The following FOXP2 variants were observed in gnomAD, a reference collection of about 807,000 sequenced individuals.
The protein encoded by FOXP2 is forkhead box P2.
A neutral mutation model predicts 115.8 loss-of-function variants in FOXP2; 12 were observed. The observed-to-expected ratio is 0.10, with a 90% CI of 0.07 to 0.17. The LOEUF is 0.17. Ranked by LOEUF, FOXP2 falls within the 10% of genes least tolerant of loss-of-function variation. The pLI is 1.00. For missense variants in FOXP2, 629 were observed against 843.5 expected (o/e 0.75, Z 3.15); for synonymous variants, 328 against 297.7 (o/e 1.10, Z -1.05).
In FOXP2 at chr7:114,664,445, G is replaced by A; in HGVS notation, c.2003+9G>A. 1 of 1,613,078 alleles carries A rather than the reference G, an allele frequency of 6.2e-7. No individual in the cohort carries two copies. Among genetic ancestry groups the A allele is most frequent in the African/African-American group, 1.3e-5 (1 of 74,924 alleles). On this transcript the variant is annotated intron_variant, in intron 16 of 16. Coordinates refer to ENST00000350908, the MANE Select transcript of FOXP2 (RefSeq NM_014491.4). ...TCACCTCAGCCGCACATGTAAGTGT[G>A]GTTAACAGACTCTCTAAAGGGAAGA...
chr7:114,505,598 G>A (rs1797770548), intron 2 of FOXP2, among the ~76,000 whole-genome samples: 1 of 150,294 alleles, frequency 6.7e-6, no homozygotes, highest in African/African-American at 2.4e-5. Flanking sequence ...AAAAGTTTTT[G>A]TGCTGTCTAA....
intron 2 of FOXP2, among the ~76,000 whole-genome samples, chr7:114,492,917 G>A (rs1562958435): frequency 1.3e-5 from 2 of 152,154 alleles, no homozygotes; most frequent in African/African-American, 2.4e-5. Flanking sequence ...TTCTGTAGAT[G>A]TCTATTAAGT....
chr7:114,272,283 T>G (rs996159864), intron 1 of FOXP2, among the ~76,000 whole-genome samples: 2 of 151,366 alleles, frequency 1.3e-5, no homozygotes, highest in Non-Finnish European at 3.0e-5. Context: ...ATTTGGTTTA[T>G]TAATATTTTG....
At chr7:114,446,972 A>G (rs559112285) in intron 2 of FOXP2, among the ~76,000 whole-genome samples, 1 of 151,442 alleles carries the variant, frequency 6.6e-6, no homozygotes, top group South Asian at 2.1e-4. Flanking sequence ...CTGATCTCGA[A>G]CTCCTGGCCT....
intron 6 of FOXP2, among the ~76,000 whole-genome samples, chr7:114,637,728 A>T (rs1805301852): frequency 6.6e-6 from 1 of 152,170 alleles, no homozygotes; most frequent in Non-Finnish European, 1.5e-5. Context: ...AAGAATAGGA[A>T]AAGCCTAAGT....
At chr7:114,398,053 A>G (rs764371231) in intron 2 of FOXP2, among the ~76,000 whole-genome samples, 8 of 152,152 alleles carry the variant, frequency 5.3e-5, no homozygotes, top group South Asian at 2.1e-4. Context: ...AGAGAAGACA[A>G]AAGAGAAGAC....
At chr7:114,661,795 T>C (rs1015711041) in intron 13 of FOXP2, 12 of 406,054 alleles carry the variant, frequency 3.0e-5, no homozygotes, top group Non-Finnish European at 5.6e-5. Flanking sequence ...TGTACAGATA[T>C]TGCAATTTAG....
intron 1 of FOXP2, among the ~76,000 whole-genome samples, chr7:114,279,267 C>T (rs527629919): frequency 8.5e-5 from 13 of 152,172 alleles, no homozygotes; most frequent in African/African-American, 2.9e-4. Context: ...GTGATAGAGG[C>T]TGAGAGAGCT....
chr7:114,673,847 C>G (rs1262371922), intron 16 of FOXP2, among the ~76,000 whole-genome samples: 2 of 152,072 alleles, frequency 1.3e-5, no homozygotes, highest in Non-Finnish European at 2.9e-5. Flanking sequence ...TTACAGGCGC[C>G]TGCCACTACA....
chr7:114,642,058 A>C (rs949887455), intron 6 of FOXP2, among the ~76,000 whole-genome samples: 1 of 151,996 alleles, frequency 6.6e-6, no homozygotes, highest in African/African-American at 2.4e-5. Flanking sequence ...CACCCACCTC[A>C]GCCTCCCAGA....
chr7:114,146,796 GA>G (rs1262378155), intron 1 of FOXP2, among the ~76,000 whole-genome samples: 1 of 152,182 alleles, frequency 6.6e-6, no homozygotes, highest in Non-Finnish European at 1.5e-5. Flanking sequence ...GCAGCAGGCT[GA>G]AACAGCATCA....
intron 1 of FOXP2, among the ~76,000 whole-genome samples, chr7:114,255,333 T>C (rs542906894): frequency 6.6e-6 from 1 of 152,160 alleles, no homozygotes; most frequent in Non-Finnish European, 1.5e-5. Flanking sequence ...GACAGGGACA[T>C]TTAAGTCTGC....
At chr7:114,440,826 T>A (rs1269475209) in intron 2 of FOXP2, among the ~76,000 whole-genome samples, 1 of 151,400 alleles carries the variant, frequency 6.6e-6, no homozygotes, top group Admixed American at 6.6e-5. Context: ...ACAATAACAA[T>A]CACAATGATA....
intron 2 of FOXP2, among the ~76,000 whole-genome samples, chr7:114,337,340 CT>C: frequency 6.6e-6 from 1 of 151,102 alleles, no homozygotes; most frequent in Non-Finnish European, 1.5e-5. Flanking sequence ...TCTGTTATTA[CT>C]TTTTAAAAGA....
chr7:114,303,931 T>C (rs1195123798), intron 2 of FOXP2, among the ~76,000 whole-genome samples: 1 of 152,172 alleles, frequency 6.6e-6, no homozygotes, highest in African/African-American at 2.4e-5. Context: ...CTGCAGGCTT[T>C]ATACCTTTAT....
chr7:114,678,491 T>C (rs1807894158), intron 16 of FOXP2, among the ~76,000 whole-genome samples: 1 of 151,452 alleles, frequency 6.6e-6, no homozygotes, highest in Non-Finnish European at 1.5e-5. Flanking sequence ...TGTTACCTAC[T>C]TTTAAAAAGC....
At chr7:114,440,452 A>G (rs1313216429) in intron 2 of FOXP2, among the ~76,000 whole-genome samples, 1 of 152,082 alleles carries the variant, frequency 6.6e-6, no homozygotes, top group African/African-American at 2.4e-5. Context: ...TTTTCACCTC[A>G]TATTATGGAA....
At position 114,693,448 on chromosome 7, in the gene FOXP2, G is replaced by T. The variant is rs1460905129; in HGVS notation, c.*3522G>T. On this transcript the variant is annotated 3_prime_UTR_variant, in exon 17 of 17. Transcript: ENST00000350908. ...TCAAGTTGGACATTTACATTTTTGA[G>T]AATTTTGAGACTTCATCTTACACAT... 1 of 453,262 alleles carries T rather than the reference G, an allele frequency of 2.2e-6. No homozygotes were observed. The highest frequency in any genetic ancestry group is 4.4e-6 in the Non-Finnish European group (1 of 226,422). The allele number at this position is 453,262 out of a possible 1,614,324, so 28.1% of individuals were successfully genotyped here.
intron 2 of FOXP2, among the ~76,000 whole-genome samples, chr7:114,486,432 GA>G (rs1796777078): frequency 6.6e-6 from 1 of 152,076 alleles, no homozygotes; most frequent in Non-Finnish European, 1.5e-5. Context: ...AATTCAAGAT[GA>G]GATTTGGGTG....
Sources: gnomAD v4.1 joint callset for allele counts (sites outside exome capture counted in the v4.1 genomes callset) on GRCh38, gnomAD v4.1.1 for gene constraint, MANE v1.5 for transcripts, NCBI Gene and HGNC (gene_info 2026-07-23, HGNC 2026-07-21) for gene names.